Variants in NME5 observed in about 807,000 individuals in gnomAD.
NME5 encodes the protein nucleoside diphosphate kinase 5.
NME5 carries 18 observed loss-of-function variants against 21.6 expected under a neutral mutation model. The ratio of observed to expected loss-of-function variants is 0.83; its 90% confidence interval spans 0.58 to 1.24. The LOEUF is 1.24. NME5 is among the 50% of genes most tolerant of loss of function. The probability of loss-of-function intolerance (pLI) is 0.00; values close to 1 mark genes in which losing one functional copy is unlikely to be tolerated. For missense variants in NME5, 223 were observed against 255.4 expected, an observed-to-expected ratio of 0.87 and a Z score of 0.86; for synonymous variants, 70 against 80.6, an observed-to-expected ratio of 0.87 and a Z score of 0.71.
At chr5:138,115,890 G>C (rs940556440) in intron 5 of NME5, 126 bp from the exon 6 acceptor site, 4 of 564,912 alleles carry the variant, frequency 7.1e-6, no homozygotes, top group Admixed American at 3.6e-5. Flanking sequence ...ATTAAAAATG[G>C]AAACATTTGG....
At chr5:138,118,999 A>C in intron 4 of NME5, 63 bp from the exon 5 acceptor site, 1 of 963,986 alleles carries the variant, frequency 1.0e-6, no homozygotes, top group South Asian at 1.5e-5. Flanking sequence ...ACAATCATTA[A>C]AAAGGTTCTT....
At chr5:138,118,268 G>A (rs1444745575) in intron 5 of NME5, among the ~76,000 whole-genome samples, 1 of 150,350 alleles carries the variant, frequency 6.7e-6, no homozygotes. Flanking sequence ...TGGGACTACA[G>A]GCACCCACCA....
intron 4 of NME5, among the ~76,000 whole-genome samples, chr5:138,123,351 T>C (rs1751329244): frequency 6.6e-6 from 1 of 152,138 alleles, no homozygotes; most frequent in African/African-American, 2.4e-5. Context: ...GGAATAAGTA[T>C]CCTTTGATCA....
chr5:138,135,310 A>G (rs1405181994), intron 2 of NME5, among the ~76,000 whole-genome samples: 1 of 132,676 alleles, frequency 7.5e-6, no homozygotes, highest in East Asian at 2.3e-4. Context: ...ACAGAGCGAG[A>G]CTCCGTCTCA....
At chr5:138,125,844 C>T (rs1026919683) in intron 4 of NME5, among the ~76,000 whole-genome samples, 2 of 152,164 alleles carry the variant, frequency 1.3e-5, no homozygotes, top group Admixed American at 6.5e-5. Context: ...GAACTCCCAA[C>T]TTCAAGTGAT....
intron 2 of NME5, among the ~76,000 whole-genome samples, chr5:138,137,888 A>C (rs1314415906): frequency 6.6e-6 from 1 of 151,746 alleles, no homozygotes; most frequent in African/African-American, 2.4e-5. Context: ...AATCCCAGCT[A>C]CTCAGGAGGC....
At chr5:138,117,204 C>CAAAAA (rs34623624) in intron 5 of NME5, among the ~76,000 whole-genome samples, 12 of 63,564 alleles carry the variant, frequency 1.9e-4, no homozygotes, top group East Asian at 4.4e-4. Flanking sequence ...GACCCTGTCT[C>CAAAAA]AAAAAAAAAA....
chr5:138,120,041 T>TCC (rs1478160638), intron 4 of NME5, among the ~76,000 whole-genome samples: 1 of 151,810 alleles, frequency 6.6e-6, no homozygotes, highest in Non-Finnish European at 1.5e-5. Flanking sequence ...GGCTGAAGCA[T>TCC]CCTCTGGCTT....
intron 2 of NME5, among the ~76,000 whole-genome samples, chr5:138,132,670 G>C (rs1316720762): frequency 6.6e-6 from 1 of 152,120 alleles, no homozygotes; most frequent in East Asian, 1.9e-4. Context: ...AAAATTGCTT[G>C]GTTTGTAGCA....
chr5:138,136,652 A>AT (rs898411495), intron 2 of NME5, among the ~76,000 whole-genome samples: 8 of 150,180 alleles, frequency 5.3e-5, no homozygotes, highest in African/African-American at 7.3e-5. Context: ...AATTAAAAAA[A>AT]TTTTTTTTTT....
chr5:138,137,028 A>G (rs973504615), intron 2 of NME5, among the ~76,000 whole-genome samples: 2 of 151,840 alleles, frequency 1.3e-5, no homozygotes, highest in African/African-American at 4.8e-5. Context: ...TCCTACTCCA[A>G]CAACAAAATA....
Position 138,136,786 on chromosome 5 carries a change from G to A in NME5, c.129+1866C>T, listed in dbSNP as rs1381184244. 2.6e-5 allele frequency among the ~76,000 whole-genome samples: 4 copies of A among 152,030 alleles called. No individual in the cohort carries two copies. In the East Asian group the frequency reaches 7.7e-4, roughly 29 times the overall value. ...GCCTGCTGAGTAGCTGGGATTACAG[G>A]CATGCGCCCCCACGCCTGGCTAATT... On this transcript the variant is annotated intron_variant, in intron 2 of 5. Transcript: ENST00000265191.
intron 4 of NME5, among the ~76,000 whole-genome samples, chr5:138,119,374 G>A (rs1006273547): frequency 2.6e-5 from 4 of 151,626 alleles, no homozygotes; most frequent in Admixed American, 6.6e-5. Flanking sequence ...ATTTTTGTAC[G>A]TTGAGTAGAG....
At position 138,119,007 on chromosome 5, in the gene NME5, C is replaced by A. The variant is rs1174141042; in HGVS notation, c.437-71G>T. 14 of 893,992 alleles carry A rather than the reference C, an allele frequency of 1.6e-5. No individual in the cohort carries two copies. In the South Asian group the frequency reaches 1.6e-4, roughly 10 times the overall value. The allele number at this position is 893,992 out of a possible 1,614,324, so 55.4% of individuals were successfully genotyped here. ...ATACTATACAATCATTAAAAAGGTTCTTTTTAAAGAACTTTTCTCTATTTT... is the reference window on the plus strand; with the variant it reads ...ATACTATACAATCATTAAAAAGGTTATTTTTAAAGAACTTTTCTCTATTTT... On this transcript the variant is annotated intron_variant, in intron 4 of 5. Transcript: ENST00000265191.
chr5:138,118,685 A>AT (rs1751217710), intron 5 of NME5, 133 bp downstream of exon 5: 2 of 538,634 alleles, frequency 3.7e-6, no homozygotes, highest in South Asian at 4.1e-5. Context: ...GGGTTTCACC[A>AT]TGTTAGTCAG....
At chr5:138,124,201 CT>C (rs1438045064) in intron 4 of NME5, among the ~76,000 whole-genome samples, 1 of 151,540 alleles carries the variant, frequency 6.6e-6, no homozygotes, top group East Asian at 1.9e-4. Context: ...CAGGGCTTCA[CT>C]TTGTTGACCA....
chr5:138,128,059 A>G (rs1751474917), intron 4 of NME5, among the ~76,000 whole-genome samples: 1 of 152,060 alleles, frequency 6.6e-6, no homozygotes, highest in South Asian at 2.1e-4. Context: ...CCAAAAGATA[A>G]AAGAAAATTA....
At chr5:138,134,446 G>T (rs938391879) in intron 2 of NME5, among the ~76,000 whole-genome samples, 2 of 151,668 alleles carry the variant, frequency 1.3e-5, no homozygotes, top group Non-Finnish European at 2.9e-5. Flanking sequence ...GCTTCACCAT[G>T]TTGGCCAGGC....
rs1751135164 is a variant in NME5, at chr5:138,115,353, T to C, written c.*328A>G. On this transcript the variant is annotated 3_prime_UTR_variant, in exon 6 of 6. Transcript: ENST00000265191. ...CTCAACTGTGCATTAATTATGTATT[T>C]AGATATAGGATATGTGCTTGGGAAA... 1 of 171,058 alleles carries C rather than the reference T, an allele frequency of 5.8e-6. No individual in the cohort carries two copies. Among genetic ancestry groups the C allele is most frequent in the South Asian group, 1.6e-4 (1 of 6,064 alleles). 10.6% of individuals were successfully genotyped at this position (171,058 alleles called of 1,614,324 possible).
Sources: allele counts gnomAD v4.1 joint callset (sites outside exome capture counted in the v4.1 genomes callset), GRCh38; gene constraint gnomAD v4.1.1; transcripts MANE v1.5; gene names NCBI Gene and HGNC (gene_info 2026-07-23, HGNC 2026-07-21).